MET: variants seen among roughly 807,000 people sequenced by gnomAD.
MET encodes the protein MET proto-oncogene, receptor tyrosine kinase.
A neutral mutation model predicts 133.1 loss-of-function variants in MET; 48 were observed. The observed-to-expected ratio is 0.36, with a 90% CI of 0.29 to 0.46. The LOEUF (loss-of-function observed/expected upper bound fraction) is 0.46. Among genes scored for constraint, MET ranks in the 20% least tolerant of loss-of-function variants. The pLI, the probability that MET is intolerant of heterozygous loss-of-function variation, is 1.00. For synonymous variants in MET, 628 were observed against 616.5 expected, an observed-to-expected ratio of 1.02 and a Z score of -0.28; for missense variants, 1,442 against 1,695.9, an observed-to-expected ratio of 0.85 and a Z score of 2.63.
rs368285058 is a variant in MET at position 116,690,300 on chromosome 7, G to A, written c.-14-8771G>A. Reference sequence around the variant, plus strand: ...ATGAGATGTATATCATTATCCCCACGTTTTGAATATAAGAAACTGACACTC... The same window carrying A: ...ATGAGATGTATATCATTATCCCCACATTTTGAATATAAGAAACTGACACTC... On this transcript the variant is annotated intron_variant, in intron 1 of 20. Transcript: ENST00000397752. Among the ~76,000 whole-genome samples the A allele has an allele frequency of 1.3e-3, 192 of 152,092 alleles. 2 individuals are homozygous for A. Among genetic ancestry groups the A allele is most frequent in the African/African-American group, 4.0e-3 (164 of 41,478 alleles).
At position 116,796,561 on chromosome 7, in the gene MET, T is replaced by G. The variant is rs1584979254; in HGVS notation, c.*437T>G. On this transcript the variant is annotated 3_prime_UTR_variant, in exon 21 of 21. Transcript: ENST00000397752. Reference sequence around the variant, plus strand: ...AGAATTCTAGTGTTTCAAAACACTTTTGTGTGTTGTATGGTCAATAACATT... The same window carrying G: ...AGAATTCTAGTGTTTCAAAACACTTGTGTGTGTTGTATGGTCAATAACATT... The G allele has an allele frequency of 6.0e-6, 2 of 336,096 alleles. No individual in the cohort carries two copies. The highest frequency in any genetic ancestry group is 9.4e-5 in the East Asian group (2 of 21,342). 20.8% of individuals were successfully genotyped at this position (336,096 alleles called of 1,614,324 possible).
rs181253089 is a variant in MET, at chr7:116,708,663, C to A, written c.1200+8379C>A. Among the ~76,000 whole-genome samples the A allele has an allele frequency of 4.5e-3, 680 of 152,200 alleles. 4 individuals are homozygous for A. The highest frequency in any genetic ancestry group is 0.015 in the African/African-American group (631 of 41,538). The stretch of plus-strand genomic sequence containing the variant: ...AGAAGCTAAGAACATACTTTAGATC[C>A]TGCTCACACTCACTGCCTTTCCTGG... On this transcript the variant is annotated intron_variant, in intron 2 of 20. Coordinates refer to ENST00000397752, the MANE Select transcript of MET (RefSeq NM_000245.4).
chr7:116,678,514 A>T (rs972542449), intron 1 of MET, among the ~76,000 whole-genome samples: 4 of 152,172 alleles, frequency 2.6e-5, no homozygotes, highest in Admixed American at 2.0e-4. Flanking sequence ...ATTTTATTAA[A>T]AATGTAAAGA....
In MET at chr7:116,754,032, G is replaced by A. The variant is rs141693647; in HGVS notation, c.1702-1323G>A. Among the ~76,000 whole-genome samples the A allele has an allele frequency of 2.5e-3, 388 of 152,310 alleles. 3 individuals are homozygous for A. The highest frequency in any genetic ancestry group is 8.3e-3 in the African/African-American group (343 of 41,564). The stretch of plus-strand genomic sequence containing the variant: ...CACCTGTAGTCCTGTCTACTAGAGA[G>A]GCTGAGGCGGGAGGATTGCTTGAGC... On this transcript the variant is annotated intron_variant, in intron 5 of 20. Transcript: ENST00000397752.
chr7:116,771,827 C>T lies in MET; in HGVS notation c.2888-22C>T, dbSNP rs761059407. 31 of 1,613,636 alleles carry T rather than the reference C, an allele frequency of 1.9e-5. No individual in the cohort carries two copies. The highest frequency in any genetic ancestry group is 2.5e-5 in the Non-Finnish European group (30 of 1,179,750). On this transcript the variant is annotated intron_variant, in intron 13 of 20. Coordinates refer to ENST00000397752, the MANE Select transcript of MET (RefSeq NM_000245.4). ...CCATGATAGCCGTCTTTAACAAGCTCTTTCTTTCTCTCTGTTTTAAGATCT... is the reference window on the plus strand; with the variant it reads ...CCATGATAGCCGTCTTTAACAAGCTTTTTCTTTCTCTCTGTTTTAAGATCT...
chr7:116,740,726 C>T (rs1171756972), intron 4 of MET, 126 bp from the exon 5 acceptor site: 10 of 1,161,232 alleles, frequency 8.6e-6, no homozygotes, highest in Non-Finnish European at 1.3e-5. Flanking sequence ...GATTTGCACA[C>T]ATAGTTGCTA....
In MET at chr7:116,699,880, A is replaced by G. The variant is rs2116598121; in HGVS notation, c.796A>G (p.Arg266Gly). 6.2e-7 allele frequency: 1 copy of G among 1,614,136 alleles called. No individual in the cohort carries two copies. The highest frequency in any genetic ancestry group is 1.1e-5 in the South Asian group (1 of 91,084). ...TTTTATTTACTTCTTGACGGTCCAAAGGGAAACTCTAGATGCTCAGACTTT... is the reference window on the plus strand; with the variant it reads ...TTTTATTTACTTCTTGACGGTCCAAGGGGAAACTCTAGATGCTCAGACTTT... ...NNFIYFLTVQ[R>G]ETLDAQTFHT... The change falls in exon 2 of 21, where the codon AGG becomes GGG. Residue 266 changes from arginine to glycine, a missense_variant. Coordinates refer to ENST00000397752, the MANE Select transcript of MET (RefSeq NM_000245.4).
At position 116,759,644 on chromosome 7, in the gene MET, C is replaced by G. The variant is rs557046660; in HGVS notation, c.2364+154C>G. Reference sequence around the variant, plus strand: ...CCAAGTAGTATTTTTTATTTAATAACTGAAATTATCTAGAGTCTTGGGCTA... The same window carrying G: ...CCAAGTAGTATTTTTTATTTAATAAGTGAAATTATCTAGAGTCTTGGGCTA... On this transcript the variant is annotated intron_variant, in intron 10 of 20. Coordinates refer to ENST00000397752, the MANE Select transcript of MET (RefSeq NM_000245.4). 2.9e-4 allele frequency: 244 copies of G among 833,674 alleles called. No homozygotes were observed. In the African/African-American group the frequency reaches 3.9e-3, roughly 13 times the overall value. The allele number at this position is 833,674 out of a possible 1,614,324, so 51.6% of individuals were successfully genotyped here. A position where few individuals can be genotyped will look rare whatever the true frequency, so the allele number is the denominator to read the frequency against.
chr7:116,724,810 C>G lies in MET; in HGVS notation c.1201-6858C>G, dbSNP rs182447735. On this transcript the variant is annotated intron_variant, in intron 2 of 20. Transcript: ENST00000397752. Reference sequence around the variant, plus strand: ...TAGATTGGAGGTGAAGACCCTGGAGCCAGAGAGCCTAGGCTTAGTCCTAGC... The same window carrying G: ...TAGATTGGAGGTGAAGACCCTGGAGGCAGAGAGCCTAGGCTTAGTCCTAGC... 377 of 1,289,110 alleles carry G rather than the reference C, an allele frequency of 2.9e-4. 1 individual carries two copies. The African/African-American group carries it at 4.9e-3, about 17-fold the overall frequency. 79.9% of individuals were successfully genotyped at this position (1,289,110 alleles called of 1,614,324 possible).
chr7:116,714,660 A>G (rs558671734), intron 2 of MET, among the ~76,000 whole-genome samples: 1 of 152,164 alleles, frequency 6.6e-6, no homozygotes, highest in Non-Finnish European at 1.5e-5. Flanking sequence ...GACAAACGAT[A>G]GCCTGTTTTT....
At chr7:116,740,418 T>C (rs754229793) in intron 4 of MET, among the ~76,000 whole-genome samples, 23 of 152,224 alleles carry the variant, frequency 1.5e-4, no homozygotes, top group Non-Finnish European at 2.4e-4. Context: ...GGAATCCGAC[T>C]CCAACCAATA....
chr7:116,742,134 C>T (rs968580306), intron 5 of MET, among the ~76,000 whole-genome samples: 2 of 152,136 alleles, frequency 1.3e-5, no homozygotes, highest in Non-Finnish European at 2.9e-5. Context: ...CTGGTTCATG[C>T]CCAAGTAAAC....
intron 11 of MET, among the ~76,000 whole-genome samples, chr7:116,766,762 C>T (rs749533070): frequency 6.6e-6 from 1 of 152,054 alleles, no homozygotes; most frequent in African/African-American, 2.4e-5. Context: ...TTTTCCAGGG[C>T]AGTTTCATAG....
chr7:116,734,808 A>G (rs1171330017), intron 3 of MET, among the ~76,000 whole-genome samples: 1 of 152,178 alleles, frequency 6.6e-6, no homozygotes, highest in African/African-American at 2.4e-5. Flanking sequence ...GAACATTAAC[A>G]CAGTGTACAC....
At chr7:116,726,145 A>G (rs867538349) in intron 2 of MET, among the ~76,000 whole-genome samples, 35 of 98,518 alleles carry the variant, frequency 3.6e-4, no homozygotes, top group Non-Finnish European at 5.1e-4. Context: ...ATATATATGT[A>G]TATATATATA....
At chr7:116,680,356 A>G (rs1215968927) in intron 1 of MET, among the ~76,000 whole-genome samples, 1 of 152,250 alleles carries the variant, frequency 6.6e-6, no homozygotes, top group Non-Finnish European at 1.5e-5. Context: ...TCCAATGTAA[A>G]GGTCTCACAA....
At chr7:116,767,793 A>G (rs1017662310) in intron 11 of MET, among the ~76,000 whole-genome samples, 15 of 150,726 alleles carry the variant, frequency 1.0e-4, no homozygotes, top group Non-Finnish European at 1.9e-4. Context: ...ATTTCTAAAT[A>G]TAAGTTTTTT....
chr7:116,725,485 T>TAC (rs1554386898), intron 2 of MET, among the ~76,000 whole-genome samples: 28 of 149,466 alleles, frequency 1.9e-4, no homozygotes, highest in African/African-American at 4.4e-4. Context: ...TATATATATA[T>TAC]ACACACACAC....
At chr7:116,703,704 A>C (rs2116623782) in intron 2 of MET, among the ~76,000 whole-genome samples, 1 of 152,244 alleles carries the variant, frequency 6.6e-6, no homozygotes, top group Non-Finnish European at 1.5e-5. Flanking sequence ...AAAAAAGGAG[A>C]ATCAGTACAC....
Sources: allele counts gnomAD v4.1 joint callset (sites outside exome capture counted in the v4.1 genomes callset), GRCh38; gene constraint gnomAD v4.1.1; transcripts MANE v1.5; gene names NCBI Gene and HGNC (gene_info 2026-07-23, HGNC 2026-07-21).